The following NFIB variants were observed in gnomAD, a reference collection of about 807,000 sequenced individuals.
NFIB encodes nuclear factor I B.
In NFIB, 11 loss-of-function variants were observed where a neutral mutation model predicts 61.5. The observed-to-expected ratio is 0.18, with a 90% CI of 0.11 to 0.30. The LOEUF is 0.30. Among genes scored for constraint, NFIB ranks in the 10% least tolerant of loss-of-function variants. NFIB has a pLI of 1.00. For synonymous variants in NFIB, 260 were observed against 216.5 expected (o/e 1.20, Z -1.76); for missense variants, 471 against 608.9 (o/e 0.77, Z 2.38).
chr9:14,160,710 T>C (rs1184107040), intron 3 of NFIB, among the ~76,000 whole-genome samples: 1 of 151,640 alleles, frequency 6.6e-6, no homozygotes, highest in East Asian at 1.9e-4. Context: ...TTATAAAATA[T>C]GTCATATTAT....
chr9:14,367,966 C>T (rs1320512098), intron 1 of NFIB, among the ~76,000 whole-genome samples: 1 of 151,980 alleles, frequency 6.6e-6, no homozygotes, highest in Non-Finnish European at 1.5e-5. Context: ...CTCCATGGCA[C>T]GTGTATACCT....
intron 10 of NFIB, among the ~76,000 whole-genome samples, chr9:14,095,462 C>G (rs1041203310): frequency 3.9e-5 from 6 of 152,040 alleles, no homozygotes; most frequent in African/African-American, 1.2e-4. Context: ...TGATTTCCAG[C>G]CTCTTTCTGT....
At chr9:14,305,186 C>T (rs1489017851) in intron 2 of NFIB, among the ~76,000 whole-genome samples, 1 of 152,050 alleles carries the variant, frequency 6.6e-6, no homozygotes, top group Non-Finnish European at 1.5e-5. Context: ...GTCAGTTCAT[C>T]AAAACTAAGA....
Position 14,083,356 on chromosome 9 carries a change from T to C in NFIB, c.*4953A>G. The C allele has an allele frequency of 4.4e-6, 1 of 225,600 alleles. No individual in the cohort carries two copies. The highest frequency in any genetic ancestry group is 8.8e-6 in the Non-Finnish European group (1 of 113,252). 14.0% of individuals were successfully genotyped at this position (225,600 alleles called of 1,614,324 possible). A position where few individuals can be genotyped will look rare whatever the true frequency, so the allele number is the denominator to read the frequency against. On this transcript the variant is annotated 3_prime_UTR_variant, in exon 11 of 11. Coordinates refer to ENST00000380953, the MANE Select transcript of NFIB (RefSeq NM_001190737.2). Reference sequence around the variant, plus strand: ...CTCCACCCACACAATTTTAGGGAATTAGAAAAAACAGGGGAACTACCAGAA... The same window carrying C: ...CTCCACCCACACAATTTTAGGGAATCAGAAAAAACAGGGGAACTACCAGAA...
upstream of NFIB, among the ~76,000 whole-genome samples, chr9:14,399,683 A>T (rs999088524): frequency 4.5e-4 from 69 of 152,218 alleles, 1 homozygote; most frequent in African/African-American, 1.6e-3. Flanking sequence ...AGTGAAAAAT[A>T]AAAAAGTCAG....
At chr9:14,273,668 A>G (rs1330509973) in intron 2 of NFIB, among the ~76,000 whole-genome samples, 1 of 152,190 alleles carries the variant, frequency 6.6e-6, no homozygotes, top group East Asian at 1.9e-4. Context: ...AAAATTCTAA[A>G]GGCATGCCAG....
chr9:14,291,593 C>T (rs528477395), intron 2 of NFIB, among the ~76,000 whole-genome samples: 1 of 152,064 alleles, frequency 6.6e-6, no homozygotes, highest in African/African-American at 2.4e-5. Context: ...AAAAAATTCT[C>T]AGAAACATCT....
chr9:14,481,178 A>AGC, the NFIB span, among the ~76,000 whole-genome samples: 1 of 67,282 alleles, frequency 1.5e-5, no homozygotes, highest in African/African-American at 6.0e-5. Flanking sequence ...TCAAAAACTG[A>AGC]GTGTGTGTGT....
At chr9:14,530,084 T>C in the NFIB span, among the ~76,000 whole-genome samples, 1 of 152,206 alleles carries the variant, frequency 6.6e-6, no homozygotes, top group Non-Finnish European at 1.5e-5. Context: ...ACCTTTTTAC[T>C]TTTCCCCAAC....
At chr9:14,492,964 G>C in the NFIB span, among the ~76,000 whole-genome samples, 2 of 152,136 alleles carry the variant, frequency 1.3e-5, no homozygotes, top group Non-Finnish European at 2.9e-5. Flanking sequence ...TGTTTGATGA[G>C]GAATGAGGAA....
At chr9:14,472,633 A>C in the NFIB span, among the ~76,000 whole-genome samples, 1 of 152,084 alleles carries the variant, frequency 6.6e-6, no homozygotes, top group Non-Finnish European at 1.5e-5. Flanking sequence ...CGAGGTTAGG[A>C]GACTGAAACC....
rs796961727 is a variant in NFIB, at chr9:14,278,888, T to TTAG, written c.562+28100_562+28101insCTA. Among the ~76,000 whole-genome samples, 335 of 152,300 alleles carry TTAG rather than the reference T, an allele frequency of 2.2e-3. 7 individuals carry two copies. The highest frequency in any genetic ancestry group is 7.5e-3 in the African/African-American group (310 of 41,554). ...GGCATACTGAGGGGAAAAAAATGTG[T>TTAG]TAACTAACTTTAGGAAACTTTCACT... On this transcript the variant is annotated intron_variant, in intron 2 of 10. Transcript: ENST00000380953.
At chr9:14,467,569 T>C in the NFIB span, among the ~76,000 whole-genome samples, 6 of 152,238 alleles carry the variant, frequency 3.9e-5, no homozygotes, top group African/African-American at 1.4e-4. Context: ...ATAAACTGTT[T>C]ATCCATTCAA....
rs957361649 is a variant in NFIB, at chr9:14,084,349, T to A, written c.*3960A>T. 1 of 218,748 alleles carries A rather than the reference T, an allele frequency of 4.6e-6. No homozygotes were observed. Among genetic ancestry groups the A allele is most frequent in the African/African-American group, 2.2e-5 (1 of 44,490 alleles). The allele number at this position is 218,748 out of a possible 1,614,324, so 13.6% of individuals were successfully genotyped here. On this transcript the variant is annotated 3_prime_UTR_variant, in exon 11 of 11. Coordinates refer to ENST00000380953, the MANE Select transcript of NFIB (RefSeq NM_001190737.2). Reference sequence around the variant, plus strand: ...AGTGTACAAATTACTGTCTACAAGGTAGGCGGTTCATTAAGAAGACCTTTC... The same window carrying A: ...AGTGTACAAATTACTGTCTACAAGGAAGGCGGTTCATTAAGAAGACCTTTC...
At chr9:14,228,482 A>G (rs977478028) in intron 2 of NFIB, among the ~76,000 whole-genome samples, 1 of 152,126 alleles carries the variant, frequency 6.6e-6, no homozygotes, top group Non-Finnish European at 1.5e-5. Flanking sequence ...GCATCCGGCC[A>G]CGATTCTTAA....
At chr9:14,123,102 C>T (rs888362724) in intron 7 of NFIB, among the ~76,000 whole-genome samples, 9 of 151,380 alleles carry the variant, frequency 5.9e-5, no homozygotes, top group Non-Finnish European at 1.0e-4. Context: ...AAAAAAAATA[C>T]AAAAATTAGC....
chr9:14,175,163 A>ATTTTTTTT lies in NFIB; in HGVS notation c.616+4563_616+4564insAAAAAAAA, dbSNP rs375736787. Among the ~76,000 whole-genome samples the ATTTTTTTT allele has an allele frequency of 1.5e-3, 152 of 102,138 alleles. 11 individuals carry two copies. Among genetic ancestry groups the ATTTTTTTT allele is most frequent in the African/African-American group, 2.8e-3 (77 of 27,500 alleles). 67.0% of individuals were successfully genotyped at this position (102,138 alleles called of 152,430 possible). ...TCTCAAAATTTTTATGACTTAAAGAATTTCTTTTTTTTTTTTTTTTTTTTG... is the reference window on the plus strand; with the variant it reads ...TCTCAAAATTTTTATGACTTAAAGAATTTTTTTTTTTCTTTTTTTTTTTTTTTTTTTTG... On this transcript the variant is annotated intron_variant, in intron 3 of 10. Coordinates refer to ENST00000380953, the MANE Select transcript of NFIB (RefSeq NM_001190737.2).
At chr9:14,478,807 A>G in the NFIB span, among the ~76,000 whole-genome samples, 1 of 152,200 alleles carries the variant, frequency 6.6e-6, no homozygotes, top group Non-Finnish European at 1.5e-5. Context: ...TCACATTGCT[A>G]TGAGTGATTG....
the NFIB span, among the ~76,000 whole-genome samples, chr9:14,522,619 A>C: frequency 3.3e-5 from 5 of 152,158 alleles, no homozygotes; most frequent in African/African-American, 1.2e-4. Flanking sequence ...ATAATAGCAA[A>C]CTACCTGGAA....
Sources: gnomAD v4.1 joint callset for allele counts (sites outside exome capture counted in the v4.1 genomes callset) on GRCh38, gnomAD v4.1.1 for gene constraint, MANE v1.5 for transcripts, NCBI Gene and HGNC (gene_info 2026-07-23, HGNC 2026-07-21) for gene names.